The following LAMA4 variants were observed in gnomAD, a reference collection of about 807,000 sequenced individuals.
LAMA4 encodes the protein laminin subunit alpha-4.
A neutral mutation model predicts 207.1 loss-of-function variants in LAMA4; 127 were observed. The observed-to-expected ratio is 0.61, with a 90% CI of 0.53 to 0.71. The LOEUF is 0.71. LAMA4 is among the 30% of genes least tolerant of loss of function. The pLI, the probability that LAMA4 is intolerant of heterozygous loss-of-function variation, is 0.00. For synonymous variants in LAMA4, 761 were observed against 816.0 expected, an observed-to-expected ratio of 0.93 and a Z score of 1.15; for missense variants, 2,093 against 2,246.5, an observed-to-expected ratio of 0.93 and a Z score of 1.38.
At chr6:112,123,739 T>C (rs587598883) in intron 31 of LAMA4, among the ~76,000 whole-genome samples, 9 of 152,218 alleles carry the variant, frequency 5.9e-5, no homozygotes, top group African/African-American at 1.9e-4. Context: ...ACAGTGGTGG[T>C]TAGGTTGGAG....
At chr6:112,186,732 T>A (rs1333026185) in intron 8 of LAMA4, 1 of 448,000 alleles carries the variant, frequency 2.2e-6, no homozygotes, top group African/African-American at 2.0e-5. Context: ...ACTGTATTTT[T>A]CTTTTTTAAT....
At chr6:112,233,451 A>G (rs1030239990) in intron 2 of LAMA4, among the ~76,000 whole-genome samples, 11 of 152,158 alleles carry the variant, frequency 7.2e-5, no homozygotes, top group Admixed American at 7.2e-4. Context: ...TGAATCATGG[A>G]CCCTTCTGGC....
chr6:112,199,534 G>A (rs1255512670), intron 5 of LAMA4, among the ~76,000 whole-genome samples: 1 of 152,124 alleles, frequency 6.6e-6, no homozygotes, highest in Non-Finnish European at 1.5e-5. Context: ...TATAGGATAA[G>A]TGTGTCACAA....
chr6:112,113,921 CACTT>C (rs2114551764), intron 38 of LAMA4, among the ~76,000 whole-genome samples, 151 bp downstream of exon 38: 1 of 152,302 alleles, frequency 6.6e-6, no homozygotes, highest in East Asian at 1.9e-4. Flanking sequence ...TCTTACATGT[CACTT>C]TATTATGCCT....
intron 12 of LAMA4, chr6:112,172,226 G>A (rs1414787483): frequency 8.2e-6 from 2 of 245,386 alleles, no homozygotes; most frequent in Non-Finnish European, 1.6e-5. Flanking sequence ...GCCAGACTGT[G>A]AGATTTGCTT....
chr6:112,200,888 G>A (rs950252450), intron 5 of LAMA4, among the ~76,000 whole-genome samples: 1 of 152,080 alleles, frequency 6.6e-6, no homozygotes, highest in South Asian at 2.1e-4. Context: ...GTCAGTGGGT[G>A]GGGGGCAAGG....
rs782663444 is a variant in LAMA4 at position 112,139,812 on chromosome 6, C to T, written c.3050G>A (p.Ser1017Asn). The T allele has an allele frequency of 1.9e-6, 3 of 1,614,036 alleles. No homozygotes were observed. The South Asian group carries it at 3.3e-5, about 18-fold the overall frequency. ...ELATLNNDVI[S>N]LYNFKHIYNM... ...ATAGATGTGCTTAAAGTTGTACAAG[C>T]TGATCACATCATTATTCAAAGTGGC... The change falls in exon 23 of 39, where the codon AGC (serine) becomes AAC (asparagine). Residue 1017 changes from serine to asparagine, a missense_variant. Physicochemically the swap from Ser to Asn is conservative, Grantham distance 46. This residue lies in a region of LAMA4 where 1,704 missense variants were observed against 1,788.4 expected (regional missense o/e 0.95). Coordinates refer to ENST00000230538, the MANE Select transcript of LAMA4 (RefSeq NM_001105206.3).
At chr6:112,178,443 G>C (rs544677018) in intron 9 of LAMA4, 61 of 551,494 alleles carry the variant, frequency 1.1e-4, no homozygotes, top group Non-Finnish European at 1.9e-4. Context: ...TAATTTTTCC[G>C]TAAGTTATTG....
In LAMA4 at chr6:112,155,022, T is replaced by C. The variant is rs137875015; in HGVS notation, c.1960-75A>G. 5 of 977,432 alleles carry C rather than the reference T, an allele frequency of 5.1e-6. No individual in the cohort carries two copies. In the East Asian group the frequency reaches 1.2e-4, roughly 23 times the overall value. 60.5% of individuals were successfully genotyped at this position (977,432 alleles called of 1,614,324 possible). On this transcript the variant is annotated intron_variant, in intron 15 of 38. Transcript: ENST00000230538. ...GCTATTCATAGTTGAAGGATTTAAA[T>C]GACACAGTTTATCTGCTAAACACCA...
intron 16 of LAMA4, 40 bp from the exon 17 acceptor site, chr6:112,150,667 G>T: frequency 7.1e-7 from 1 of 1,402,126 alleles, no homozygotes. Flanking sequence ...GTGGAGCCAA[G>T]ATGCCTCGAA....
rs563543142 is a variant in LAMA4, at chr6:112,191,671, T to C, written c.683A>G (p.Tyr228Cys). The C allele has an allele frequency of 1.2e-6, 2 of 1,614,032 alleles. No individual in the cohort carries two copies. Among genetic ancestry groups the C allele is most frequent in the African/African-American group, 2.7e-5 (2 of 75,066 alleles). The change falls in exon 6 of 39, where the codon TAC (tyrosine) becomes TGC (cysteine). Residue 228 changes from tyrosine to cysteine, a missense_variant. By Grantham distance (194) the Tyr-to-Cys change is radical. Around this residue, in one of 3 missense-constraint regions of LAMA4, gnomAD observed 1,704 missense variants for 1,788.4 expected, o/e 0.95. Coordinates refer to ENST00000230538, the MANE Select transcript of LAMA4 (RefSeq NM_001105206.3). Reference sequence around the variant, plus strand: ...CTTGGCTATCCTGGCGTCCCCATAGTAGCCAGGAGCGCAACGTTCACACTT... The same window carrying C: ...CTTGGCTATCCTGGCGTCCCCATAGCAGCCAGGAGCGCAACGTTCACACTT... The part of the protein sequence containing the change: ...GFKCERCAPG[Y>C]YGDARIAKNC...
intron 12 of LAMA4, among the ~76,000 whole-genome samples, chr6:112,169,734 C>T (rs1554341206): frequency 6.6e-6 from 1 of 152,132 alleles, no homozygotes; most frequent in East Asian, 1.9e-4. Flanking sequence ...TGAGCACTAC[C>T]ATCTGTCTGA....
chr6:112,128,515 T>C (rs1778835145), intron 31 of LAMA4, among the ~76,000 whole-genome samples: 1 of 152,126 alleles, frequency 6.6e-6, no homozygotes, highest in South Asian at 2.1e-4. Flanking sequence ...GTCTCTATAG[T>C]ATGGTAGAGT....
chr6:112,222,103 G>A (rs546302815), intron 2 of LAMA4, among the ~76,000 whole-genome samples: 49 of 152,266 alleles, frequency 3.2e-4, no homozygotes, highest in Non-Finnish European at 5.9e-4. Context: ...GAGCTAAATG[G>A]ATTATGTGTT....
intron 14 of LAMA4, chr6:112,158,055 A>G (rs1780825389): frequency 6.6e-6 from 1 of 152,296 alleles, no homozygotes; most frequent in Admixed American, 6.5e-5. Context: ...CTCTATAATG[A>G]TCTCATTATT....
rs797025921 is a variant in LAMA4, at chr6:112,139,776, G to A, written c.3086C>T (p.Pro1029Leu). 3.1e-6 allele frequency: 5 copies of A among 1,614,038 alleles called. No homozygotes were observed. Among genetic ancestry groups the A allele is most frequent in the South Asian group, 1.1e-5 (1 of 91,072 alleles). Residue 1029 changes from proline to leucine, a missense_variant, in exon 23 of 39, where the codon CCC (proline) becomes CTC (leucine). This residue lies in a region of LAMA4 where 1,704 missense variants were observed against 1,788.4 expected (regional missense o/e 0.95). Coordinates refer to ENST00000230538, the MANE Select transcript of LAMA4 (RefSeq NM_001105206.3). Reference protein sequence around the residue: ...YNFKHIYNMDPSTSVPCARDK... With the variant: ...YNFKHIYNMDLSTSVPCARDK... Reference sequence around the variant, plus strand: ...CCGGGCACATGGCACTGATGTGGAGGGGTCCATATTATAGATGTGCTTAAA... The same window carrying A: ...CCGGGCACATGGCACTGATGTGGAGAGGTCCATATTATAGATGTGCTTAAA...
At chr6:112,116,502 C>A (rs1473523133) in intron 35 of LAMA4, among the ~76,000 whole-genome samples, 1 of 152,114 alleles carries the variant, frequency 6.6e-6, no homozygotes, top group Non-Finnish European at 1.5e-5. Flanking sequence ...AGTCACTGAG[C>A]AAGACAGCTG....
In LAMA4 at chr6:112,150,226, CACACACACAG is replaced by C. The variant is rs1338914580; in HGVS notation, c.2173+275_2173+284del. On this transcript the variant is annotated intron_variant, in intron 17 of 38. Coordinates refer to ENST00000230538, the MANE Select transcript of LAMA4 (RefSeq NM_001105206.3). ...AGACACACACACACACACACACACA[CACACACACAG>C]ACACACACAGACACACACACACAGA... Among the ~76,000 whole-genome samples the C allele has an allele frequency of 5.9e-3, 867 of 147,194 alleles. 7 individuals are homozygous for C. Among genetic ancestry groups the C allele is most frequent in the African/African-American group, 0.021 (764 of 37,226 alleles).
Position 112,117,602 on chromosome 6 carries a change from G to A in LAMA4, c.4981+137C>T. ...TTTGGAGTGCAGGAGGGAGAAAGGT[G>A]GTTCTTGTGGGAAGAGGTCATCTTC... On this transcript the variant is annotated intron_variant, in intron 35 of 38. Transcript: ENST00000230538. This position sits in a 1 kb window ranked among gnomAD's most constrained non-coding sequence, Gnocchi z 4.5. The A allele has an allele frequency of 1.3e-6, 1 of 793,836 alleles. No individual in the cohort carries two copies. Among genetic ancestry groups the A allele is most frequent in the Non-Finnish European group, 2.1e-6 (1 of 465,810 alleles). 49.2% of individuals were successfully genotyped at this position (793,836 alleles called of 1,614,324 possible). A position where few individuals can be genotyped will look rare whatever the true frequency, so the allele number is the denominator to read the frequency against.
Sources: allele counts gnomAD v4.1 joint callset (sites outside exome capture counted in the v4.1 genomes callset), GRCh38; gene constraint gnomAD v4.1.1; regional missense constraint gnomAD v4.1.1; non-coding constraint Gnocchi (gnomAD v3.1); transcripts MANE v1.5; gene names NCBI Gene and HGNC (gene_info 2026-07-23, HGNC 2026-07-21).